Variants in NUSAP1 observed in about 807,000 individuals in gnomAD.
The protein encoded by NUSAP1 is nucleolar and spindle associated protein 1.
Under a neutral mutation model 52.8 loss-of-function variants are expected in NUSAP1, and 32 were observed. The observed-to-expected ratio is 0.61, with a 90% CI of 0.46 to 0.81. The LOEUF is 0.81. Among genes scored for constraint, NUSAP1 ranks in the 40% least tolerant of loss-of-function variants. The pLI is 0.00. For synonymous variants in NUSAP1, 195 were observed against 183.1 expected (o/e 1.06, Z -0.52); for missense variants, 499 against 522.3 (o/e 0.96, Z 0.43).
chr15:41,380,244 T>A lies in NUSAP1; in HGVS notation c.*58T>A. The A allele has an allele frequency of 1.1e-5, 7 of 619,640 alleles. No individual in the cohort carries two copies. Among genetic ancestry groups the A allele is most frequent in the Non-Finnish European group, 1.4e-5 (6 of 442,528 alleles). 38.4% of individuals were successfully genotyped at this position (619,640 alleles called of 1,614,324 possible). A position where few individuals can be genotyped will look rare whatever the true frequency, so the allele number is the denominator to read the frequency against. On this transcript the variant is annotated 3_prime_UTR_variant, in exon 11 of 11. Transcript: ENST00000559596. Reference sequence around the variant, plus strand: ...TTCTCAACTTTTTTCCTTTTGTAAATTTTTTTTTTTTGCTGTCATCCCCAC... The same window carrying A: ...TTCTCAACTTTTTTCCTTTTGTAAAATTTTTTTTTTTGCTGTCATCCCCAC...
intron 1 of NUSAP1, among the ~76,000 whole-genome samples, chr15:41,340,760 A>G (rs2048339746): frequency 6.6e-6 from 1 of 152,208 alleles, no homozygotes; most frequent in Non-Finnish European, 1.5e-5. Context: ...GGGTGGTTCA[A>G]GGAACAAGTA....
rs754995613 is a variant in NUSAP1, at chr15:41,377,220, C to G, written c.1148C>G (p.Ser383Cys). 3.3e-5 allele frequency: 50 copies of G among 1,527,098 alleles called. No homozygotes were observed. The highest frequency in any genetic ancestry group is 4.2e-5 in the African/African-American group (3 of 71,842). 94.6% of individuals were successfully genotyped at this position (1,527,098 alleles called of 1,614,324 possible). Residue 383 changes from serine to cysteine, a missense_variant, in exon 10 of 11, where the codon TCT (serine) becomes TGT (cysteine). Ser to Cys is a moderately radical substitution (Grantham distance 112, BLOSUM62 -1). Transcript: ENST00000559596. The stretch of plus-strand genomic sequence containing the variant: ...GGAAAGCTAAAACCATGGGGGCAAT[C>G]TAAAGAAAATAATTATCTAAATCAA... ...HKGKLKPWGQ[S>C]KENNYLNQHV...
intron 10 of NUSAP1, among the ~76,000 whole-genome samples, chr15:41,378,569 A>C (rs1469350325): frequency 4.6e-5 from 7 of 152,136 alleles, no homozygotes; most frequent in African/African-American, 1.7e-4. Context: ...GTGGATCACG[A>C]TGTCAGGAGT....
chr15:41,345,005 C>A (rs972374619), intron 2 of NUSAP1, among the ~76,000 whole-genome samples: 2 of 152,030 alleles, frequency 1.3e-5, no homozygotes, highest in Admixed American at 6.6e-5. Flanking sequence ...GAAACAATTT[C>A]TCTTACTTTT....
intron 1 of NUSAP1, among the ~76,000 whole-genome samples, chr15:41,334,898 A>G (rs1283523424): frequency 6.6e-6 from 1 of 152,152 alleles, no homozygotes; most frequent in African/African-American, 2.4e-5. Flanking sequence ...AAATGTTATG[A>G]TACCTGTAAA....
rs75426159 is a variant in NUSAP1 at position 41,336,648 on chromosome 15, G to GTTTTTTTTTTTTT, written c.93+3607_93+3619dup. Among the ~76,000 whole-genome samples the GTTTTTTTTTTTTT allele has an allele frequency of 2.4e-3, 220 of 91,310 alleles. 8 individuals are homozygous for GTTTTTTTTTTTTT. The highest frequency in any genetic ancestry group is 8.3e-3 in the African/African-American group (206 of 24,918). The allele number at this position is 91,310 out of a possible 152,430, so 59.9% of individuals were successfully genotyped here. ...TGGGCATTTGATCCTCCTCCTTTTG[G>GTTTTTTTTTTTTT]TTTTTTTTTTTTTTTTTTTTTGAGA... is the stretch of plus-strand genomic sequence containing the variant. On this transcript the variant is annotated intron_variant, in intron 1 of 10. Transcript: ENST00000559596.
chr15:41,337,576 A>C (rs1011265031), intron 1 of NUSAP1, among the ~76,000 whole-genome samples: 1 of 152,146 alleles, frequency 6.6e-6, no homozygotes, highest in African/African-American at 2.4e-5. Flanking sequence ...TCCTGATCCC[A>C]TGTCCTCATT....
intron 1 of NUSAP1, among the ~76,000 whole-genome samples, chr15:41,338,881 C>G (rs2048272201): frequency 6.6e-6 from 1 of 152,034 alleles, no homozygotes; most frequent in Admixed American, 6.6e-5. Context: ...ACGAAAATCC[C>G]TTCAACCTGA....
At position 41,356,354 on chromosome 15, in the gene NUSAP1, C is replaced by CTTTTTTTTTTTT. The variant is rs398026995; in HGVS notation, c.550+221_550+232dup. 4.0e-5 allele frequency among the ~76,000 whole-genome samples: 5 copies of CTTTTTTTTTTTT among 124,642 alleles called. 1 individual carries two copies. Among genetic ancestry groups the CTTTTTTTTTTTT allele is most frequent in the South Asian group, 2.5e-4 (1 of 4,072 alleles). 81.8% of individuals were successfully genotyped at this position (124,642 alleles called of 152,430 possible). ...GTTATACTATAGTGCCTATTTCTTT[C>CTTTTTTTTTTTT]TTTTTTTTTTTTTTTTTTGAGACAG... On this transcript the variant is annotated intron_variant, in intron 5 of 10. Coordinates refer to ENST00000559596, the MANE Select transcript of NUSAP1 (RefSeq NM_016359.5).
chr15:41,379,048 G>A (rs1423127121), intron 10 of NUSAP1, among the ~76,000 whole-genome samples: 2 of 129,882 alleles, frequency 1.5e-5, no homozygotes, highest in African/African-American at 5.9e-5. Flanking sequence ...CTGCCTCCCA[G>A]GTTCAAGTGA....
chr15:41,376,234 GA>G (rs77815859), intron 9 of NUSAP1, among the ~76,000 whole-genome samples: 8 of 149,622 alleles, frequency 5.3e-5, no homozygotes, highest in Middle Eastern at 7.5e-3. Flanking sequence ...CGTCTCTTCT[GA>G]AAAAAAATAA....
At chr15:41,375,431 C>T (rs2049886830) in intron 8 of NUSAP1, among the ~76,000 whole-genome samples, 1 of 152,128 alleles carries the variant, frequency 6.6e-6, no homozygotes, top group Non-Finnish European at 1.5e-5. Flanking sequence ...CCGACTCGGC[C>T]TCTCAAAGTG....
At chr15:41,358,824 A>G (rs1486304546) in intron 6 of NUSAP1, among the ~76,000 whole-genome samples, 3 of 152,224 alleles carry the variant, frequency 2.0e-5, no homozygotes, top group South Asian at 2.1e-4. Context: ...TGTTTTGCCT[A>G]TTACTTTCAT....
At chr15:41,350,651 T>C (rs1027014583) in intron 3 of NUSAP1, among the ~76,000 whole-genome samples, 77 of 152,314 alleles carry the variant, frequency 5.1e-4, no homozygotes, top group African/African-American at 1.9e-3. Context: ...TTTTTACTTT[T>C]CTTGGAGTGA....
chr15:41,368,341 T>C (rs2049505975), intron 7 of NUSAP1, among the ~76,000 whole-genome samples: 1 of 152,148 alleles, frequency 6.6e-6, no homozygotes, highest in Non-Finnish European at 1.5e-5. Flanking sequence ...TTTATTAATA[T>C]ATGACTGCCA....
intron 6 of NUSAP1, among the ~76,000 whole-genome samples, chr15:41,364,505 C>T (rs1220360883): frequency 1.3e-5 from 2 of 151,838 alleles, no homozygotes; most frequent in African/African-American, 2.4e-5. Flanking sequence ...GAGACCATGC[C>T]ATTGCACTCC....
intron 7 of NUSAP1, 85 bp from the exon 8 acceptor site, chr15:41,371,442 A>C (rs1414596819): frequency 8.7e-6 from 10 of 1,154,856 alleles, no homozygotes; most frequent in Non-Finnish European, 7.1e-6. Flanking sequence ...ACTGCTTGCT[A>C]ATAGTCAAGT....
chr15:41,347,048 T>C (rs1316722733), intron 2 of NUSAP1, among the ~76,000 whole-genome samples: 1 of 152,038 alleles, frequency 6.6e-6, no homozygotes, highest in Non-Finnish European at 1.5e-5. Context: ...GGCATGTACC[T>C]GTAATCCCAG....
chr15:41,377,568 G>A (rs548525606), intron 10 of NUSAP1, among the ~76,000 whole-genome samples: 10 of 151,662 alleles, frequency 6.6e-5, no homozygotes, highest in African/African-American at 9.7e-5. Flanking sequence ...GCATGGTGGC[G>A]GGCGCCTGTA....
Sources: gnomAD v4.1 joint callset for allele counts (sites outside exome capture counted in the v4.1 genomes callset) on GRCh38, gnomAD v4.1.1 for gene constraint, MANE v1.5 for transcripts, NCBI Gene and HGNC (gene_info 2026-07-23, HGNC 2026-07-21) for gene names.